The following NEK5 variants were observed in gnomAD, a reference collection of about 807,000 sequenced individuals.
The protein encoded by NEK5 is NIMA related kinase 5.
In NEK5, 88 loss-of-function variants were observed where a neutral mutation model predicts 109.2. That is an observed-to-expected ratio of 0.81 (90% CI 0.68 to 0.96). The LOEUF (loss-of-function observed/expected upper bound fraction) is 0.96, where lower values mean the gene tolerates loss of function less well. Among genes scored for constraint, NEK5 ranks in the 40% least tolerant of loss-of-function variants. The pLI, the probability that NEK5 is intolerant of heterozygous loss-of-function variation, is 0.00. For missense variants in NEK5, 834 were observed against 920.7 expected (o/e 0.91, Z 1.22); for synonymous variants, 283 against 299.9 (o/e 0.94, Z 0.58).
At chr13:52,071,056 C>T (rs1954775715) in intron 20 of NEK5, among the ~76,000 whole-genome samples, 1 of 152,148 alleles carries the variant, frequency 6.6e-6, no homozygotes, top group East Asian at 1.9e-4. Flanking sequence ...AAGCCTACAC[C>T]ACACTACTGA....
chr13:52,050,158 G>C lies in NEK5; in HGVS notation c.2174C>G (p.Ser725Cys). The change falls in exon 23 of 24, where the codon TCT (serine) becomes TGT (cysteine). Residue 725 changes from serine to cysteine, a missense_variant. This residue lies in a region of NEK5 where 57 missense variants were observed against 96.0 expected (regional missense o/e 0.59). Transcript: ENST00000684899. ...EEDEGKVEMV[S>C]GIEVDEEQLE... The stretch of plus-strand genomic sequence containing the variant: ...TTGTTCCTCATCTACTTCAATGCCA[G>C]AGACCATTTCTACCTTCCCTTCATC... 7 of 985,778 alleles carry C rather than the reference G, an allele frequency of 7.1e-6. No individual in the cohort carries two copies. The highest frequency in any genetic ancestry group is 8.4e-6 in the Non-Finnish European group (7 of 829,874). The allele number at this position is 985,778 out of a possible 1,614,324, so 61.1% of individuals were successfully genotyped here. A position where few individuals can be genotyped will look rare whatever the true frequency, so the allele number is the denominator to read the frequency against.
chr13:52,100,663 C>T (rs1238447188), intron 11 of NEK5, among the ~76,000 whole-genome samples: 1 of 151,926 alleles, frequency 6.6e-6, no homozygotes, highest in Non-Finnish European at 1.5e-5. Flanking sequence ...TGTTTGAGCT[C>T]AGGAGTTCGA....
chr13:52,124,523 ATTAC>A (rs1270563230), intron 3 of NEK5, among the ~76,000 whole-genome samples: 2 of 152,194 alleles, frequency 1.3e-5, no homozygotes, highest in Non-Finnish European at 2.9e-5. Flanking sequence ...TTTTTTATAA[ATTAC>A]TTAACAAATT....
intron 8 of NEK5, among the ~76,000 whole-genome samples, chr13:52,105,820 A>G (rs757866173): frequency 6.6e-6 from 1 of 152,074 alleles, no homozygotes; most frequent in Non-Finnish European, 1.5e-5. Context: ...AGATCTTCCA[A>G]TTTTCAGAGG....
At position 52,071,957 on chromosome 13, in the gene NEK5, G is replaced by A. The variant is rs1165045694; in HGVS notation, c.1836C>T (p.His612=). ...DYTDKAFEKL[H]CPEAGFSTQT... is the part of the protein sequence containing the mutation. ...AGAAACACATACCTGCTTCTGGGCA[G>A]TGAAGTTTTTCAAATGCTTTGTCTG... is the stretch of plus-strand genomic sequence containing the variant. Residue 612 remains histidine (H), a synonymous_variant, in exon 20 of 24, where the codon CAC becomes CAT. Coordinates refer to ENST00000684899, the MANE Select transcript of NEK5 (RefSeq NM_001365552.1). The A allele has an allele frequency of 1.9e-6, 3 of 1,613,286 alleles. No individual in the cohort carries two copies. The highest frequency in any genetic ancestry group is 2.5e-6 in the Non-Finnish European group (3 of 1,179,416).
At chr13:52,108,468 AC>A in intron 7 of NEK5, 64 bp from the exon 8 acceptor site, 1 of 994,108 alleles carries the variant, frequency 1.0e-6, no homozygotes, top group South Asian at 1.5e-5. Context: ...AAGTCTTAAG[AC>A]ATGGACATGC....
chr13:52,101,124 C>T (rs1338061130), intron 11 of NEK5, among the ~76,000 whole-genome samples: 1 of 152,088 alleles, frequency 6.6e-6, no homozygotes, highest in Non-Finnish European at 1.5e-5. Flanking sequence ...TCCGGCCTGG[C>T]GCGGTGGCTC....
intron 8 of NEK5, 111 bp downstream of exon 8, chr13:52,108,207 A>G (rs1018252247): frequency 2.9e-6 from 2 of 687,628 alleles, no homozygotes; most frequent in African/African-American, 3.6e-5. Context: ...TGAAATTACA[A>G]AAGTACCATA....
intron 21 of NEK5, among the ~76,000 whole-genome samples, chr13:52,064,527 G>A (rs1445843108): frequency 0.015 from 2,217 of 149,348 alleles, 36 homozygotes; most frequent in African/African-American, 0.044. Context: ...CTGGCCAGCC[G>A]CCCCGTCCGG....
At chr13:52,101,003 G>C (rs1346448705) in intron 11 of NEK5, among the ~76,000 whole-genome samples, 1 of 152,146 alleles carries the variant, frequency 6.6e-6, no homozygotes, top group Non-Finnish European at 1.5e-5. Context: ...AAATTCTGGG[G>C]CTTTGACTTT....
intron 4 of NEK5, among the ~76,000 whole-genome samples, chr13:52,113,294 C>T (rs907632046): frequency 6.6e-6 from 1 of 152,104 alleles, no homozygotes; most frequent in South Asian, 2.1e-4. Flanking sequence ...AAATTCAGAA[C>T]TATAGTCAGT....
Position 52,105,452 on chromosome 13 carries a change from C to G in NEK5, c.555-900G>C, listed in dbSNP as rs575785593. On this transcript the variant is annotated intron_variant, in intron 8 of 23. Coordinates refer to ENST00000684899, the MANE Select transcript of NEK5 (RefSeq NM_001365552.1). ...CAGGCTGGTCTCAAACTCTTGAGCT[C>G]AAGCAATACTCCCTTCTTGGCCTCC... 2.2e-4 allele frequency among the ~76,000 whole-genome samples: 34 copies of G among 151,992 alleles called. No individual in the cohort carries two copies. In the East Asian group the frequency reaches 5.6e-3, roughly 25 times the overall value.
At position 52,121,159 on chromosome 13, in the gene NEK5, CT is replaced by C. The variant is rs34187285; in HGVS notation, c.118-1745del. On this transcript the variant is annotated intron_variant, in intron 3 of 23. Transcript: ENST00000684899. ...GGGGTCTGTATCCTGCTGAAGAAAT[CT>C]TTTTTTTTTTTTTTTTAAGACAAGG... is the stretch of plus-strand genomic sequence containing the variant. Among the ~76,000 whole-genome samples, 881 of 136,534 alleles carry C rather than the reference CT, an allele frequency of 6.5e-3. 4 individuals are homozygous for C. Among genetic ancestry groups the C allele is most frequent in the African/African-American group, 0.013 (475 of 36,514 alleles). 89.6% of individuals were successfully genotyped at this position (136,534 alleles called of 152,430 possible). A position where few individuals can be genotyped will look rare whatever the true frequency, so the allele number is the denominator to read the frequency against.
intron 7 of NEK5, among the ~76,000 whole-genome samples, 183 bp downstream of exon 7, chr13:52,110,157 T>C (rs1171934446): frequency 1.3e-5 from 2 of 152,196 alleles, no homozygotes; most frequent in Non-Finnish European, 2.9e-5. Context: ...CATCATTCTA[T>C]TACACCACAA....
intron 3 of NEK5, among the ~76,000 whole-genome samples, chr13:52,120,911 CAAA>C (rs76615049): frequency 1.5e-5 from 1 of 66,416 alleles, no homozygotes; most frequent in Admixed American, 1.6e-4. Flanking sequence ...GACTCCATTG[CAAA>C]AAAAAAAAAA....
chr13:52,100,681 C>A (rs1044460004), intron 11 of NEK5, among the ~76,000 whole-genome samples: 1 of 151,996 alleles, frequency 6.6e-6, no homozygotes, highest in Admixed American at 6.6e-5. Context: ...CGAGACCAGC[C>A]TGGGCAACAC....
chr13:52,063,061 C>CGG (rs1241252708), intron 21 of NEK5, among the ~76,000 whole-genome samples: 1 of 150,450 alleles, frequency 6.6e-6, no homozygotes, highest in Non-Finnish European at 1.5e-5. Context: ...CCTCTCCCCA[C>CGG]GGTCCCCCTC....
intron 17 of NEK5, chr13:52,082,247 G>T (rs1000059191): frequency 1.2e-4 from 46 of 395,196 alleles, no homozygotes; most frequent in Non-Finnish European, 1.9e-4. Context: ...CCTGGGAGGC[G>T]GAGGTTGCGG....
intron 23 of NEK5, among the ~76,000 whole-genome samples, chr13:52,048,936 T>C (rs1417670164): frequency 3.9e-5 from 6 of 152,196 alleles, no homozygotes; most frequent in Admixed American, 3.3e-4. Flanking sequence ...CTATAGTTAA[T>C]AACAATTTAT....
Sources: allele counts gnomAD v4.1 joint callset (sites outside exome capture counted in the v4.1 genomes callset), GRCh38; gene constraint gnomAD v4.1.1; regional missense constraint gnomAD v4.1.1; transcripts MANE v1.5; gene names NCBI Gene and HGNC (gene_info 2026-07-23, HGNC 2026-07-21).